The following FAM227B variants were observed in gnomAD, a reference collection of about 807,000 sequenced individuals.
FAM227B encodes the protein family with sequence similarity 227 member B.
A neutral mutation model predicts 73.8 loss-of-function variants in FAM227B; 88 were observed. That is an observed-to-expected ratio of 1.19 (90% CI 1.00 to 1.42). FAM227B has a LOEUF of 1.42. Ranked by LOEUF, FAM227B falls within the 40% of genes most tolerant of loss-of-function variation. FAM227B has a pLI of 0.00. For missense variants in FAM227B, 632 were observed against 590.9 expected (o/e 1.07, Z -0.72); for synonymous variants, 210 against 190.5 (o/e 1.10, Z -0.84).
chr15:49,356,145 T>C (rs1420748454), intron 13 of FAM227B, among the ~76,000 whole-genome samples: 1 of 151,678 alleles, frequency 6.6e-6, no homozygotes, highest in East Asian at 1.9e-4. Context: ...CATGCCAAAA[T>C]GTAAAGACCA....
chr15:49,445,281 C>T (rs1256083231), intron 11 of FAM227B, among the ~76,000 whole-genome samples: 1 of 151,630 alleles, frequency 6.6e-6, no homozygotes, highest in African/African-American at 2.4e-5. Context: ...TCTCTACCTC[C>T]TGCTAGTAGT....
At chr15:49,538,692 T>C (rs1224348396) in intron 10 of FAM227B, among the ~76,000 whole-genome samples, 1 of 152,100 alleles carries the variant, frequency 6.6e-6, no homozygotes, top group Non-Finnish European at 1.5e-5. Context: ...AATTGACCTG[T>C]CTTAGAGTTC....
Position 49,589,968 on chromosome 15 carries a change from TATC to T in FAM227B, c.142_144del (p.Asp48del). ...ATTTTTTTCAGAGTGCATGACCATT[TATC>T]ATCATCTCTAAAATGGATTTCCCTT... On this transcript the variant is annotated inframe_deletion, in exon 4 of 16. Transcript: ENST00000299338. 1 of 1,606,810 alleles carries T rather than the reference TATC, an allele frequency of 6.2e-7. No individual in the cohort carries two copies. Among genetic ancestry groups the T allele is most frequent in the Non-Finnish European group, 8.5e-7 (1 of 1,173,798 alleles).
At chr15:49,444,637 G>C (rs750008734) in intron 11 of FAM227B, among the ~76,000 whole-genome samples, 64 of 151,688 alleles carry the variant, frequency 4.2e-4, no homozygotes, top group Non-Finnish European at 6.6e-4. Flanking sequence ...GATCTAAGTT[G>C]AATCAGGAAC....
intron 10 of FAM227B, among the ~76,000 whole-genome samples, chr15:49,521,540 A>G (rs2059785579): frequency 6.9e-6 from 1 of 144,906 alleles, no homozygotes; most frequent in African/African-American, 2.6e-5. Context: ...AGCCTTTCCT[A>G]TGCTATTTGT....
intron 13 of FAM227B, among the ~76,000 whole-genome samples, chr15:49,361,787 G>A (rs2044288025): frequency 6.6e-6 from 1 of 152,100 alleles, no homozygotes; most frequent in South Asian, 2.1e-4. Context: ...GAGTTGAATG[G>A]TAATTCTGCT....
At chr15:49,608,055 A>AAAATC (rs2077636029) in intron 3 of FAM227B, among the ~76,000 whole-genome samples, 1 of 152,214 alleles carries the variant, frequency 6.6e-6, no homozygotes, top group African/African-American at 2.4e-5. Context: ...TGCCCGAAAG[A>AAAATC]AAATCAACAC....
At chr15:49,594,118 C>T (rs1392259625) in intron 3 of FAM227B, among the ~76,000 whole-genome samples, 3 of 152,012 alleles carry the variant, frequency 2.0e-5, no homozygotes, top group Non-Finnish European at 4.4e-5. Context: ...TTTGGCAATT[C>T]TCGCAGGAGT....
intron 13 of FAM227B, among the ~76,000 whole-genome samples, chr15:49,357,808 C>T (rs891299826): frequency 1.2e-4 from 18 of 152,092 alleles, no homozygotes; most frequent in African/African-American, 4.3e-4. Flanking sequence ...AGACCAATAT[C>T]CTTGATGAAC....
rs953836816 is a variant in FAM227B at position 49,571,758 on chromosome 15, T to C, written c.645+3253A>G. Among the ~76,000 whole-genome samples the C allele has an allele frequency of 2.6e-5, 4 of 151,994 alleles. No homozygotes were observed. In the South Asian group the frequency reaches 8.3e-4, roughly 32 times the overall value. ...TTTTTTGGTTACTACAGCATTGTAGTATATTTTGAAGTTAGGTAGGGTGAT... is the reference window on the plus strand; with the variant it reads ...TTTTTTGGTTACTACAGCATTGTAGCATATTTTGAAGTTAGGTAGGGTGAT... On this transcript the variant is annotated intron_variant, in intron 8 of 15. Transcript: ENST00000299338.
intron 11 of FAM227B, chr15:49,396,139 T>G (rs377039436): frequency 7.7e-4 from 283 of 368,854 alleles, no homozygotes; most frequent in Non-Finnish European, 1.0e-3. Context: ...GTGGGTGTGC[T>G]CACCGTGTGC....
intron 9 of FAM227B, among the ~76,000 whole-genome samples, chr15:49,556,908 C>A (rs1205462185): frequency 1.3e-5 from 2 of 152,190 alleles, no homozygotes; most frequent in African/African-American, 2.4e-5. Flanking sequence ...GCTCAAGCGT[C>A]CATAGGGGTC....
chr15:49,528,670 T>C (rs1848289), intron 10 of FAM227B, among the ~76,000 whole-genome samples: 48,451 of 151,636 alleles, frequency 0.32, 8,357 homozygotes, highest in African/African-American at 0.43. Flanking sequence ...GGGCAAAGGA[T>C]ATGAACAGAC....
chr15:49,339,841 G>C, intron 13 of FAM227B, among the ~76,000 whole-genome samples: 1 of 152,150 alleles, frequency 6.6e-6, no homozygotes, highest in Middle Eastern at 3.2e-3. Context: ...AATGAATCTA[G>C]AGAGGCAGCA....
chr15:49,350,575 T>C (rs551620242), intron 13 of FAM227B, among the ~76,000 whole-genome samples: 1 of 152,296 alleles, frequency 6.6e-6, no homozygotes, highest in African/African-American at 2.4e-5. Context: ...TATGGGCTAG[T>C]TCCACAAAAC....
chr15:49,386,293 A>G (rs1456271256), intron 11 of FAM227B, among the ~76,000 whole-genome samples: 1 of 151,828 alleles, frequency 6.6e-6, no homozygotes. Context: ...TCAAAATTAT[A>G]TCAAGTATCT....
In FAM227B at chr15:49,412,568, C is replaced by T. The variant is rs966771805; in HGVS notation, c.1013-41169G>A. On this transcript the variant is annotated intron_variant, in intron 11 of 15. Transcript: ENST00000299338. The stretch of plus-strand genomic sequence containing the variant: ...CGAAGTACATTGACTTGTTTTTTGG[C>T]AACTTTGAAACCCATTTATAGCTGA... 2.6e-5 allele frequency among the ~76,000 whole-genome samples: 4 copies of T among 151,704 alleles called. 1 individual carries two copies. The highest frequency in any genetic ancestry group is 6.6e-5 in the Admixed American group (1 of 15,196).
intron 11 of FAM227B, among the ~76,000 whole-genome samples, chr15:49,373,134 T>TA (rs1013863986): frequency 3.3e-5 from 5 of 151,906 alleles, no homozygotes; most frequent in African/African-American, 1.2e-4. Context: ...CCAGTATCAT[T>TA]AAAAAAATAA....
intron 11 of FAM227B, among the ~76,000 whole-genome samples, chr15:49,413,875 C>T (rs1243970794): frequency 2.6e-5 from 4 of 151,332 alleles, no homozygotes; most frequent in Admixed American, 6.6e-5. Context: ...GCTCTACCTC[C>T]ACTTCTGATT....
Sources: allele counts gnomAD v4.1 joint callset (sites outside exome capture counted in the v4.1 genomes callset), GRCh38; gene constraint gnomAD v4.1.1; transcripts MANE v1.5; gene names NCBI Gene and HGNC (gene_info 2026-07-23, HGNC 2026-07-21).